Variants in RBMS3 observed in about 807,000 individuals in gnomAD.
RBMS3 encodes RNA binding motif single stranded interacting protein 3, also known as RNA-binding motif, single-stranded-interacting protein 3.
A neutral mutation model predicts 66.8 loss-of-function variants in RBMS3; 27 were observed. The ratio of observed to expected loss-of-function variants is 0.40; its 90% CI spans 0.30 to 0.56. The LOEUF (loss-of-function observed/expected upper bound fraction) is 0.56, where lower values mean the gene tolerates loss of function less well. Ranked by LOEUF, RBMS3 falls within the 20% of genes least tolerant of loss-of-function variation. RBMS3 has a pLI of 0.40. For missense variants in RBMS3, 513 were observed against 549.5 expected, an observed-to-expected ratio of 0.93 and a Z score of 0.66; for synonymous variants, 188 against 183.0, an observed-to-expected ratio of 1.03 and a Z score of -0.22.
chr3:30,007,323 T>A lies in RBMS3; in HGVS notation c.*3461T>A, dbSNP rs545226322. 1.3e-5 allele frequency: 2 copies of A among 152,242 alleles called. No individual in the cohort carries two copies. Among genetic ancestry groups the A allele is most frequent in the East Asian group, 3.9e-4 (2 of 5,186 alleles). 9.4% of individuals were successfully genotyped at this position (152,242 alleles called of 1,614,324 possible). A position where few individuals can be genotyped will look rare whatever the true frequency, so the allele number is the denominator to read the frequency against. ...CATCCTAACTAGGACTATAATCTTT[T>A]TTTTTTTCTTTAAGTTGAAGTTAAT... is the stretch of plus-strand genomic sequence containing the variant. On this transcript the variant is annotated 3_prime_UTR_variant, in exon 15 of 15. Transcript: ENST00000383767.
At chr3:29,779,280 T>C (rs549627743) in intron 6 of RBMS3, among the ~76,000 whole-genome samples, 25 of 150,994 alleles carry the variant, frequency 1.7e-4, no homozygotes, top group African/African-American at 6.1e-4. Context: ...TATGTGTGTG[T>C]GTGTATATAT....
At chr3:29,353,788 T>C (rs573733122) in intron 1 of RBMS3, among the ~76,000 whole-genome samples, 3 of 152,238 alleles carry the variant, frequency 2.0e-5, no homozygotes, top group South Asian at 4.1e-4. Flanking sequence ...GATCCAATTA[T>C]AAACCAGGAA....
At chr3:29,702,147 A>C (rs904233923) in intron 4 of RBMS3, among the ~76,000 whole-genome samples, 4 of 151,968 alleles carry the variant, frequency 2.6e-5, no homozygotes. Flanking sequence ...TGCACCAATC[A>C]GTGCTGTGTG....
chr3:29,362,494 C>T (rs2037659593), intron 1 of RBMS3, among the ~76,000 whole-genome samples: 1 of 152,192 alleles, frequency 6.6e-6, no homozygotes, highest in Non-Finnish European at 1.5e-5. Context: ...GCTCGGGGGT[C>T]AGGAACCCAC....
At chr3:29,645,571 G>A (rs1255191098) in intron 4 of RBMS3, among the ~76,000 whole-genome samples, 1 of 152,134 alleles carries the variant, frequency 6.6e-6, no homozygotes, top group Non-Finnish European at 1.5e-5. Flanking sequence ...TCCAAGTTTT[G>A]ATCCATTTTA....
rs192280645 is a variant in RBMS3 at position 29,963,707 on chromosome 3, A to T, written c.1098+19453A>T. Among the ~76,000 whole-genome samples the T allele has an allele frequency of 2.2e-3, 339 of 152,028 alleles. 1 individual carries two copies. Among genetic ancestry groups the T allele is most frequent in the African/African-American group, 7.7e-3 (320 of 41,470 alleles). The stretch of plus-strand genomic sequence containing the variant: ...ATTGGGTGTGGTGGCGCGTGCTTAT[A>T]ATCCCAGCTACTTGGAGGCTGAGGT... On this transcript the variant is annotated intron_variant, in intron 12 of 14. Transcript: ENST00000383767.
chr3:29,926,286 A>G (rs538391275), intron 10 of RBMS3, among the ~76,000 whole-genome samples: 11 of 152,322 alleles, frequency 7.2e-5, no homozygotes, highest in Middle Eastern at 3.4e-3. Context: ...CCTTAGATCT[A>G]GTTAAGTTTC....
At chr3:29,696,833 T>C (rs2149281373) in intron 4 of RBMS3, 1 of 485,274 alleles carries the variant, frequency 2.1e-6, no homozygotes, top group Non-Finnish European at 2.7e-6. Flanking sequence ...CAAGAGCCAG[T>C]GTAGGGTACA....
intron 6 of RBMS3, among the ~76,000 whole-genome samples, chr3:29,861,173 G>T (rs1331968293): frequency 6.6e-6 from 1 of 152,106 alleles, no homozygotes; most frequent in East Asian, 1.9e-4. Flanking sequence ...GTAGCTCCTG[G>T]ATCAAAAATT....
At chr3:29,498,140 A>T (rs2148931495) in intron 3 of RBMS3, among the ~76,000 whole-genome samples, 1 of 151,270 alleles carries the variant, frequency 6.6e-6, no homozygotes, top group East Asian at 2.0e-4. Flanking sequence ...GATTACAGTC[A>T]TGCACCACCA....
chr3:29,804,547 A>G lies in RBMS3; in HGVS notation c.637+41558A>G, dbSNP rs193154685. ...GTGCCAATCATTGAGATTCAACTCT[A>G]CTTTTTTAATACTCTTAAGAAATGA... On this transcript the variant is annotated intron_variant, in intron 6 of 14. Transcript: ENST00000383767. Among the ~76,000 whole-genome samples the G allele has an allele frequency of 9.9e-5, 15 of 152,182 alleles. 1 individual carries two copies. The East Asian group carries it at 2.9e-3, about 29-fold the overall frequency.
chr3:29,529,676 C>G (rs1381822872), intron 3 of RBMS3, among the ~76,000 whole-genome samples: 2 of 152,032 alleles, frequency 1.3e-5, no homozygotes, highest in African/African-American at 4.8e-5. Context: ...AACATGAGCA[C>G]TATAGATGTG....
intron 3 of RBMS3, among the ~76,000 whole-genome samples, chr3:29,525,093 C>T (rs1318993981): frequency 1.3e-5 from 2 of 151,880 alleles, no homozygotes; most frequent in Non-Finnish European, 1.5e-5. Context: ...CCACAGAGAG[C>T]AAAGTAAAGC....
At chr3:29,326,350 G>T (rs970067334) in intron 1 of RBMS3, among the ~76,000 whole-genome samples, 3 of 152,046 alleles carry the variant, frequency 2.0e-5, no homozygotes, top group Admixed American at 1.3e-4. Context: ...CCATGGCTTT[G>T]CTAATTACTT....
Position 30,003,838 on chromosome 3 carries a change from A to C in RBMS3, c.1308-18A>C. Reference sequence around the variant, plus strand: ...TTACTTTAATTTAATGACCACTCTTATTCAATTGTTTTCACAGACCATAAA... The same window carrying C: ...TTACTTTAATTTAATGACCACTCTTCTTCAATTGTTTTCACAGACCATAAA... On this transcript the variant is annotated intron_variant, in intron 14 of 14. Coordinates refer to ENST00000383767, the MANE Select transcript of RBMS3 (RefSeq NM_001003793.3). The C allele has an allele frequency of 1.4e-6, 2 of 1,425,208 alleles. No individual in the cohort carries two copies. The highest frequency in any genetic ancestry group is 9.3e-7 in the Non-Finnish European group (1 of 1,079,846). 88.3% of individuals were successfully genotyped at this position (1,425,208 alleles called of 1,614,324 possible).
At chr3:29,702,378 TAAAC>T (rs1168808078) in intron 4 of RBMS3, among the ~76,000 whole-genome samples, 1 of 152,120 alleles carries the variant, frequency 6.6e-6, no homozygotes, top group Non-Finnish European at 1.5e-5. Flanking sequence ...AGCTCTCTGT[TAAAC>T]AGACCAATCA....
At position 29,585,224 on chromosome 3, in the gene RBMS3, A is replaced by C. The variant is rs1420470056; in HGVS notation, c.308-1890A>C. On this transcript the variant is annotated intron_variant, in intron 3 of 14. Coordinates refer to ENST00000383767, the MANE Select transcript of RBMS3 (RefSeq NM_001003793.3). ...ACGTGTAAGGTACAAGGTGGTTCCC[A>C]TGTCAATCTCATCTTAACTCATCAA... Among the ~76,000 whole-genome samples, 3 of 152,164 alleles carry C rather than the reference A, an allele frequency of 2.0e-5. No homozygotes were observed. In the South Asian group the frequency reaches 6.2e-4, roughly 32 times the overall value.
intron 7 of RBMS3, among the ~76,000 whole-genome samples, chr3:29,875,622 A>G (rs971699786): frequency 2.0e-5 from 3 of 152,138 alleles, no homozygotes; most frequent in African/African-American, 4.8e-5. Flanking sequence ...ATAAAAACAG[A>G]TGAACCTACA....
intron 1 of RBMS3, among the ~76,000 whole-genome samples, chr3:29,282,584 A>G (rs2031902852): frequency 6.6e-6 from 1 of 152,184 alleles, no homozygotes; most frequent in Admixed American, 6.5e-5. Context: ...AAGACATGAA[A>G]GACTCTCAGG....
Sources: gnomAD v4.1 joint callset for allele counts (sites outside exome capture counted in the v4.1 genomes callset) on GRCh38, gnomAD v4.1.1 for gene constraint, MANE v1.5 for transcripts, NCBI Gene and HGNC (gene_info 2026-07-23, HGNC 2026-07-21) for gene names.